The following NECAB1 variants were observed in gnomAD, a reference collection of about 807,000 sequenced individuals.
NECAB1 encodes the protein N-terminal EF-hand calcium-binding protein 1.
Under a neutral mutation model 57.5 loss-of-function variants are expected in NECAB1, and 29 were observed. The ratio of observed to expected loss-of-function variants is 0.50; its 90% CI spans 0.38 to 0.69. The LOEUF (loss-of-function observed/expected upper bound fraction) is 0.69. Ranked by LOEUF, NECAB1 falls within the 30% of genes least tolerant of loss-of-function variation. The pLI is 0.00. For synonymous variants in NECAB1, 142 were observed against 147.7 expected (o/e 0.96, Z 0.28); for missense variants, 372 against 413.8 (o/e 0.90, Z 0.88).
chr8:90,801,865 G>C, intron 2 of NECAB1, 150 bp downstream of exon 2: 1 of 541,778 alleles, frequency 1.8e-6, no homozygotes, highest in South Asian at 3.5e-5. Context: ...ATAAGTTTTA[G>C]GCCCTAAATA....
chr8:90,872,163 T>C lies in NECAB1; in HGVS notation c.259+10T>C. 6.5e-7 allele frequency: 1 copy of C among 1,545,098 alleles called. No homozygotes were observed. The highest frequency in any genetic ancestry group is 8.8e-7 in the Non-Finnish European group (1 of 1,142,310). ...ACAGAAGAGCTATGTGGTAAGTGTT[T>C]CTTTAAGATCAGTCAAACCTATTAC... On this transcript the variant is annotated intron_variant, in intron 4 of 12. Transcript: ENST00000417640.
chr8:90,953,098 T>G lies in NECAB1; in HGVS notation c.1030+1894T>G, dbSNP rs376349818. Among the ~76,000 whole-genome samples, 29 of 152,222 alleles carry G rather than the reference T, an allele frequency of 1.9e-4. No individual in the cohort carries two copies. The East Asian group carries it at 5.6e-3, about 29-fold the overall frequency. On this transcript the variant is annotated intron_variant, in intron 12 of 12. Coordinates refer to ENST00000417640, the MANE Select transcript of NECAB1 (RefSeq NM_022351.5). ...GTCTGTCATCACACCCATTTCCATC[T>G]CTCCCAAACCAATGTGGAAAGAAAG...
chr8:90,872,537 A>C (rs1304863103), intron 4 of NECAB1: 2 of 157,850 alleles, frequency 1.3e-5, no homozygotes, highest in Non-Finnish European at 2.8e-5. Flanking sequence ...TTGAAATGTA[A>C]AAATAACTTT....
chr8:90,806,184 G>A (rs1811843813), intron 2 of NECAB1, among the ~76,000 whole-genome samples: 1 of 152,160 alleles, frequency 6.6e-6, no homozygotes, highest in Non-Finnish European at 1.5e-5. Flanking sequence ...CAGTAAGTAG[G>A]AAGGCTATAT....
chr8:90,902,223 C>T (rs1272483620), intron 5 of NECAB1, among the ~76,000 whole-genome samples: 1 of 152,120 alleles, frequency 6.6e-6, no homozygotes, highest in Non-Finnish European at 1.5e-5. Context: ...AGTTTGAGAC[C>T]AGCCTGGACA....
chr8:90,917,870 A>ATATATATATATATATGTGTGTGTGTG (rs1554575432), intron 6 of NECAB1, among the ~76,000 whole-genome samples: 1 of 64,340 alleles, frequency 1.6e-5, no homozygotes, highest in African/African-American at 1.0e-4. Flanking sequence ...ATATATATAT[A>ATATATATATATATATGTGTGTGTGTG]TGTGTGTGTG....
chr8:90,827,273 G>A (rs1563498191), intron 3 of NECAB1, among the ~76,000 whole-genome samples: 1 of 151,960 alleles, frequency 6.6e-6, no homozygotes, highest in Non-Finnish European at 1.5e-5. Flanking sequence ...TTAATCAAGA[G>A]TACAGCCTGG....
intron 5 of NECAB1, among the ~76,000 whole-genome samples, chr8:90,906,889 A>ATATATATATATATATATATATATATG (rs1809678455): frequency 1.4e-5 from 1 of 72,858 alleles, no homozygotes; most frequent in African/African-American, 5.7e-5. Context: ...ATATATATAT[A>ATATATATATATATATATATATATATG]TATATATATA....
intron 2 of NECAB1, among the ~76,000 whole-genome samples, chr8:90,817,234 A>G (rs1812073789): frequency 6.6e-6 from 1 of 151,712 alleles, no homozygotes; most frequent in African/African-American, 2.4e-5. Context: ...GATTTTCTAC[A>G]TTGATAATTA....
At chr8:90,890,841 G>A (rs1809146077) in intron 5 of NECAB1, among the ~76,000 whole-genome samples, 1 of 152,146 alleles carries the variant, frequency 6.6e-6, no homozygotes, top group South Asian at 2.1e-4. Context: ...GCCCTCAAGA[G>A]TCTCACCATA....
intron 3 of NECAB1, among the ~76,000 whole-genome samples, chr8:90,855,944 C>T (rs2129792329): frequency 6.6e-6 from 1 of 152,172 alleles, no homozygotes; most frequent in South Asian, 2.1e-4. Flanking sequence ...AATATATTTT[C>T]TATTTGTTTT....
chr8:90,932,412 CA>C (rs1318049948), intron 8 of NECAB1, among the ~76,000 whole-genome samples: 1 of 151,328 alleles, frequency 6.6e-6, no homozygotes, highest in Admixed American at 6.6e-5. Flanking sequence ...AGAGACAGAC[CA>C]AAAAAACAAC....
At chr8:90,924,806 A>G (rs1348181541) in intron 6 of NECAB1, among the ~76,000 whole-genome samples, 2 of 152,138 alleles carry the variant, frequency 1.3e-5, no homozygotes, top group Non-Finnish European at 2.9e-5. Flanking sequence ...CCATTTGTAT[A>G]TCATTGGCCT....
chr8:90,917,771 T>TGCTTGCC, intron 6 of NECAB1, 143 bp downstream of exon 6: 1 of 700,770 alleles, frequency 1.4e-6, no homozygotes, highest in Non-Finnish European at 2.0e-6. Flanking sequence ...CTCCACTGGT[T>TGCTTGCC]GCTTGCCTTA....
chr8:90,887,592 C>T (rs921484527), intron 5 of NECAB1, among the ~76,000 whole-genome samples: 11 of 152,090 alleles, frequency 7.2e-5, no homozygotes, highest in African/African-American at 7.2e-5. Flanking sequence ...GGTCAGTGCT[C>T]ACTGAGTAAT....
chr8:90,877,811 T>C (rs1808755802), intron 4 of NECAB1, among the ~76,000 whole-genome samples: 1 of 152,212 alleles, frequency 6.6e-6, no homozygotes, highest in Non-Finnish European at 1.5e-5. Context: ...TTAGGATTTG[T>C]TTCCTTGCTG....
chr8:90,824,916 A>G, intron 3 of NECAB1, 91 bp downstream of exon 3: 1 of 593,370 alleles, frequency 1.7e-6, no homozygotes. Context: ...GAAGAACAAT[A>G]TAGAGGGTAT....
At chr8:90,810,832 T>C (rs1452379105) in intron 2 of NECAB1, among the ~76,000 whole-genome samples, 1 of 152,120 alleles carries the variant, frequency 6.6e-6, no homozygotes, top group African/African-American at 2.4e-5. Flanking sequence ...CTCTTAGAGA[T>C]TTGAGGTGGG....
Position 90,957,159 on chromosome 8 carries a change from G to A in NECAB1, c.*1647G>A, listed in dbSNP as rs908503729. The A allele has an allele frequency of 6.6e-6, 1 of 152,068 alleles. No individual in the cohort carries two copies. Among genetic ancestry groups the A allele is most frequent in the Admixed American group, 6.6e-5 (1 of 15,238 alleles). 9.4% of individuals were successfully genotyped at this position (152,068 alleles called of 1,614,324 possible). A position where few individuals can be genotyped will look rare whatever the true frequency, so the allele number is the denominator to read the frequency against. ...AAACAGACACATAACAGTCTCTGCA[G>A]ACTGATTGTATATAGTAAGAAAAGA... is the stretch of plus-strand genomic sequence containing the variant. On this transcript the variant is annotated 3_prime_UTR_variant, in exon 13 of 13. Coordinates refer to ENST00000417640, the MANE Select transcript of NECAB1 (RefSeq NM_022351.5).
Sources: allele counts gnomAD v4.1 joint callset (sites outside exome capture counted in the v4.1 genomes callset), GRCh38; gene constraint gnomAD v4.1.1; transcripts MANE v1.5; gene names NCBI Gene and HGNC (gene_info 2026-07-23, HGNC 2026-07-21).